Variants in PRELID3B observed in about 807,000 individuals in gnomAD.
PRELID3B encodes the protein PRELI domain containing 3B, also known as PRELI domain containing protein 3B.
In PRELID3B, 15 loss-of-function variants were observed where a neutral mutation model predicts 24.0. That is an observed-to-expected ratio of 0.63 (90% CI 0.42 to 0.96). The LOEUF (loss-of-function observed/expected upper bound fraction) is 0.96, where lower values mean the gene tolerates loss of function less well. PRELID3B is among the 40% of genes least tolerant of loss of function. PRELID3B has a pLI of 0.00. For synonymous variants in PRELID3B, 62 were observed against 76.0 expected (o/e 0.82, Z 0.96); for missense variants, 189 against 236.0 (o/e 0.80, Z 1.30).
Position 59,038,523 on chromosome 20 carries a change from C to A in PRELID3B, c.144G>T (p.Lys48Asn), listed in dbSNP as rs1474333792. Residue 48 changes from lysine (K) to asparagine (N), a missense_variant, in exon 2 of 6, where the codon AAG becomes AAT. Lys to Asn is a moderately conservative substitution (Grantham distance 94). Coordinates refer to ENST00000355937, the MANE Select transcript of PRELID3B (RefSeq NM_016045.3). ...TGCTGAGAAGTCTGTGGCTGTGCAA[C>A]TTTCCAGAGGGATCTATATGTCTGT... ...VLDRHIDPSGKLHSHRLLSTE... is the reference protein window; with the variant it reads ...VLDRHIDPSGNLHSHRLLSTE... The A allele has an allele frequency of 2.2e-5, 36 of 1,613,754 alleles. No homozygotes were observed. Among genetic ancestry groups the A allele is most frequent in the Non-Finnish European group, 2.8e-5 (33 of 1,179,866 alleles).
intron 3 of PRELID3B, 93 bp from the exon 4 acceptor site, chr20:59,036,853 T>C: frequency 1.2e-6 from 1 of 811,766 alleles, no homozygotes; most frequent in Middle Eastern, 3.6e-4. Context: ...AAAATCTTAC[T>C]AAACATACAA....
Position 59,038,577 on chromosome 20 carries a change from G to A in PRELID3B, c.90C>T (p.Asn30=). The A allele has an allele frequency of 6.2e-7, 1 of 1,612,558 alleles. No homozygotes were observed. The highest frequency in any genetic ancestry group is 8.5e-7 in the Non-Finnish European group (1 of 1,179,630). ...ACACATCAACTCCAACCACACTTGG[G>A]TTCATAGGGTTTGGGTATTTCTGCA... ...AAMQKYPNPM[N]PSVVGVDVLD... is the part of the protein sequence containing the mutation. The change falls in exon 2 of 6, where the codon AAC becomes AAT. Residue 30 remains asparagine (N), a synonymous_variant. Transcript: ENST00000355937.
chr20:59,037,091 A>G, intron 3 of PRELID3B, 100 bp downstream of exon 3: 1 of 877,474 alleles, frequency 1.1e-6, no homozygotes. Context: ...GATTCTCTGA[A>G]CCACATCATG....
At chr20:59,042,567 C>G (rs2092118390) in intron 1 of PRELID3B, 132 bp downstream of exon 1, 1 of 1,012,634 alleles carries the variant, frequency 9.9e-7, no homozygotes, top group Non-Finnish European at 1.4e-6. Flanking sequence ...CGCCGGGGCC[C>G]GCAGGCTTCA....
chr20:59,038,671 C>T, intron 1 of PRELID3B, 37 bp from the exon 2 acceptor site: 1 of 1,312,658 alleles, frequency 7.6e-7, no homozygotes, highest in Non-Finnish European at 1.0e-6. Flanking sequence ...AAAAAAAATT[C>T]AGACATTTAA....
intron 2 of PRELID3B, chr20:59,037,995 C>G (rs2092085977): frequency 6.4e-6 from 1 of 155,650 alleles, no homozygotes; most frequent in South Asian, 2.0e-4. Flanking sequence ...CTCACTAAAG[C>G]CTGCTCATTC....
In PRELID3B at chr20:59,036,363, G is replaced by A. The variant is rs879650349; in HGVS notation, c.465+108C>T. The A allele has an allele frequency of 1.7e-4, 136 of 807,282 alleles. No homozygotes were observed. The Admixed American group carries it at 1.9e-3, about 11-fold the overall frequency. 50.0% of individuals were successfully genotyped at this position (807,282 alleles called of 1,614,324 possible). A position where few individuals can be genotyped will look rare whatever the true frequency, so the allele number is the denominator to read the frequency against. On this transcript the variant is annotated intron_variant, in intron 5 of 5. Coordinates refer to ENST00000355937, the MANE Select transcript of PRELID3B (RefSeq NM_016045.3). Reference sequence around the variant, plus strand: ...TGCCCAACGTGCTGCAGTTTCCTATGGTAGAATGGGCAAGGGTCAGCTTAC... The same window carrying A: ...TGCCCAACGTGCTGCAGTTTCCTATAGTAGAATGGGCAAGGGTCAGCTTAC...
intron 4 of PRELID3B, 49 bp from the exon 5 acceptor site, chr20:59,036,622 T>C (rs763557321): frequency 6.3e-7 from 1 of 1,589,812 alleles, no homozygotes; most frequent in Non-Finnish European, 8.6e-7. Context: ...GCTTTCATTT[T>C]CAAAAAACTT....
intron 5 of PRELID3B, 68 bp from the exon 6 acceptor site, chr20:59,035,194 C>T (rs1432969183): frequency 1.0e-5 from 15 of 1,434,862 alleles, no homozygotes; most frequent in East Asian, 2.4e-5. Context: ...ACTAATGACA[C>T]ACCAGGAAGT....
chr20:59,041,542 C>T (rs1271133523), intron 1 of PRELID3B, among the ~76,000 whole-genome samples: 1 of 152,164 alleles, frequency 6.6e-6, no homozygotes, highest in African/African-American at 2.4e-5. Context: ...TGAGACCAAC[C>T]TGACCAACAT....
At position 59,034,521 on chromosome 20, in the gene PRELID3B, T is replaced by C. The variant is rs1046850279; in HGVS notation, c.*486A>G. On this transcript the variant is annotated 3_prime_UTR_variant, in exon 6 of 6. Transcript: ENST00000355937. ...TGGTTTTTAATGGTGGTTTATAGCA[T>C]AGTAAGGTATTTTACACAAAATATA... 1 of 152,762 alleles carries C rather than the reference T, an allele frequency of 6.5e-6. No homozygotes were observed. Among genetic ancestry groups the C allele is most frequent in the Non-Finnish European group, 1.5e-5 (1 of 68,156 alleles). The allele number at this position is 152,762 out of a possible 1,614,324, so 9.5% of individuals were successfully genotyped here.
At chr20:59,041,650 G>A (rs1274232943) in intron 1 of PRELID3B, among the ~76,000 whole-genome samples, 3 of 152,136 alleles carry the variant, frequency 2.0e-5, no homozygotes, top group East Asian at 1.9e-4. Flanking sequence ...CAGGAGAATC[G>A]TTTGAACACG....
rs2092087855 is a variant in PRELID3B, at chr20:59,038,317, C to T, written c.201+149G>A. 2.2e-5 allele frequency: 13 copies of T among 603,918 alleles called. No individual in the cohort carries two copies. In the South Asian group the frequency reaches 4.4e-4, roughly 21 times the overall value. The allele number at this position is 603,918 out of a possible 1,614,324, so 37.4% of individuals were successfully genotyped here. A position where few individuals can be genotyped will look rare whatever the true frequency, so the allele number is the denominator to read the frequency against. ...AATAATATTTCCAATTCATTATACA[C>T]TCATAATTCAAGTTTATTATAATAC... On this transcript the variant is annotated intron_variant, in intron 2 of 5. Coordinates refer to ENST00000355937, the MANE Select transcript of PRELID3B (RefSeq NM_016045.3).
intron 3 of PRELID3B, 31 bp downstream of exon 3, chr20:59,037,160 C>G (rs777545489): frequency 1.3e-6 from 2 of 1,529,150 alleles, no homozygotes; most frequent in African/African-American, 2.7e-5. Flanking sequence ...CCAGACAGTT[C>G]GAAATGAAAC....
In PRELID3B at chr20:59,037,243, T is replaced by C; in HGVS notation, c.239A>G (p.Glu80Gly). Reference protein sequence around the residue: ...GAARTKTYVQEHSVVDPVEKT... With the variant: ...GAARTKTYVQGHSVVDPVEKT... ...CTCTACAGGATCAACTACAGAATGT[T>C]CTTGCACATATGTTTTCGTTCTTGC... Residue 80 changes from glutamate (E) to glycine (G), a missense_variant, in exon 3 of 6, where the codon GAA becomes GGA. Physicochemically the swap from Glu to Gly is moderately conservative, Grantham distance 98. Transcript: ENST00000355937. 6.2e-7 allele frequency: 1 copy of C among 1,614,078 alleles called. No homozygotes were observed. The highest frequency in any genetic ancestry group is 1.1e-5 in the South Asian group (1 of 91,068).
chr20:59,033,289 AAAGGT>A lies in PRELID3B; in HGVS notation c.*1713_*1717del, dbSNP rs1330618545. ...TTGCTTGTTGTGCATTTATGTTTAAAAAGGTAACTAACTGCACTGGAAAATGAAAA... is the reference window on the plus strand; with the variant it reads ...TTGCTTGTTGTGCATTTATGTTTAAAAACTAACTGCACTGGAAAATGAAAA... On this transcript the variant is annotated 3_prime_UTR_variant, in exon 6 of 6. Transcript: ENST00000355937. 2.6e-5 allele frequency: 4 copies of A among 152,310 alleles called. No individual in the cohort carries two copies. The East Asian group carries it at 7.7e-4, about 29-fold the overall frequency. 9.4% of individuals were successfully genotyped at this position (152,310 alleles called of 1,614,324 possible).
chr20:59,033,503 C>G lies in PRELID3B; in HGVS notation c.*1504G>C, dbSNP rs1346761668. 6.6e-6 allele frequency: 1 copy of G among 152,158 alleles called. No homozygotes were observed. Among genetic ancestry groups the G allele is most frequent in the Admixed American group, 6.5e-5 (1 of 15,284 alleles). 9.4% of individuals were successfully genotyped at this position (152,158 alleles called of 1,614,324 possible). A position where few individuals can be genotyped will look rare whatever the true frequency, so the allele number is the denominator to read the frequency against. On this transcript the variant is annotated 3_prime_UTR_variant, in exon 6 of 6. Transcript: ENST00000355937. ...TGAAATGTTATTTCACTTGTAAAAA[C>G]TATCTCCGGTTACAAAAAAAAATCA...
chr20:59,038,648 C>CAA lies in PRELID3B; in HGVS notation c.33-15_33-14insTT. ...TCCCACGGGTGGCTGCCGATGTGAA[C>CAA]CAAAAAAAAAAAAAAAAAAATTCAG... On this transcript the variant is annotated splice_polypyrimidine_tract_variant and intron_variant, in intron 1 of 5. Transcript: ENST00000355937. 1.6e-6 allele frequency: 2 copies of CAA among 1,221,452 alleles called. No individual in the cohort carries two copies. The highest frequency in any genetic ancestry group is 1.0e-6 in the Non-Finnish European group (1 of 987,912). 75.7% of individuals were successfully genotyped at this position (1,221,452 alleles called of 1,614,324 possible).
chr20:59,034,280 A>C lies in PRELID3B; in HGVS notation c.*727T>G, dbSNP rs1171639968. On this transcript the variant is annotated 3_prime_UTR_variant, in exon 6 of 6. Transcript: ENST00000355937. ...AGTTAGAGCACTGCAAAACTCAGGT[A>C]ATGACTTTATTTTTTTCAGTTAACA... 3.9e-5 allele frequency: 6 copies of C among 152,242 alleles called. No individual in the cohort carries two copies. The highest frequency in any genetic ancestry group is 1.4e-4 in the African/African-American group (6 of 41,456). 9.4% of individuals were successfully genotyped at this position (152,242 alleles called of 1,614,324 possible).
Sources: allele counts gnomAD v4.1 joint callset (sites outside exome capture counted in the v4.1 genomes callset), GRCh38; gene constraint gnomAD v4.1.1; transcripts MANE v1.5; gene names NCBI Gene and HGNC (gene_info 2026-07-23, HGNC 2026-07-21).